CNTN5: variants seen among roughly 807,000 people sequenced by gnomAD.
CNTN5 encodes contactin 5, also known as contactin-5.
CNTN5 carries 77 observed loss-of-function variants against 129.1 expected under a neutral mutation model. The ratio of observed to expected loss-of-function variants is 0.60; its 90% CI spans 0.50 to 0.72. The LOEUF is 0.72. CNTN5 is among the 30% of genes least tolerant of loss of function. The pLI, the probability that CNTN5 is intolerant of heterozygous loss-of-function variation, is 0.00. For synonymous variants in CNTN5, 509 were observed against 465.6 expected, an observed-to-expected ratio of 1.09 and a Z score of -1.20; for missense variants, 1,478 against 1,328.8, an observed-to-expected ratio of 1.11 and a Z score of -1.75.
At position 100,356,880 on chromosome 11, in the gene CNTN5, G is replaced by C. The variant is rs548076991; in HGVS notation, c.*660G>C. On this transcript the variant is annotated 3_prime_UTR_variant, in exon 25 of 25. Coordinates refer to ENST00000524871, the MANE Select transcript of CNTN5 (RefSeq NM_014361.4). ...AAGCCATTTACATTAGTGCAAGATA[G>C]AAAGCGAGTCCAGATGAATTTCAGT... The C allele has an allele frequency of 6.6e-6, 1 of 151,768 alleles. No individual in the cohort carries two copies. The highest frequency in any genetic ancestry group is 1.5e-5 in the Non-Finnish European group (1 of 67,812). The allele number at this position is 151,768 out of a possible 1,614,324, so 9.4% of individuals were successfully genotyped here. A position where few individuals can be genotyped will look rare whatever the true frequency, so the allele number is the denominator to read the frequency against.
chr11:99,642,756 C>T (rs1951817125), intron 3 of CNTN5, among the ~76,000 whole-genome samples: 1 of 152,166 alleles, frequency 6.6e-6, no homozygotes, highest in Non-Finnish European at 1.5e-5. Flanking sequence ...CCTCTTCTCC[C>T]CTCTACCCTC....
At chr11:99,479,702 G>A (rs1328521716) in intron 2 of CNTN5, among the ~76,000 whole-genome samples, 1 of 151,778 alleles carries the variant, frequency 6.6e-6, no homozygotes, top group Non-Finnish European at 1.5e-5. Context: ...AACAGGCTCC[G>A]GTTCTCTAAA....
At chr11:99,347,222 T>C (rs1937954026) in intron 2 of CNTN5, among the ~76,000 whole-genome samples, 1 of 152,196 alleles carries the variant, frequency 6.6e-6, no homozygotes, top group South Asian at 2.1e-4. Context: ...GCTACTGAAA[T>C]AGTCCTGTCA....
At chr11:99,163,747 A>C (rs1315569242) in intron 1 of CNTN5, among the ~76,000 whole-genome samples, 1 of 152,206 alleles carries the variant, frequency 6.6e-6, no homozygotes, top group Admixed American at 6.5e-5. Flanking sequence ...CTATACATTA[A>C]AACTGTGTAC....
chr11:99,873,476 A>G (rs1948555373), intron 6 of CNTN5, among the ~76,000 whole-genome samples: 1 of 152,132 alleles, frequency 6.6e-6, no homozygotes, highest in Non-Finnish European at 1.5e-5. Flanking sequence ...CAATATCACT[A>G]AGCATCAAAG....
intron 13 of CNTN5, among the ~76,000 whole-genome samples, chr11:100,085,346 A>C (rs1313904787): frequency 6.6e-6 from 1 of 152,194 alleles, no homozygotes; most frequent in Admixed American, 6.6e-5. Context: ...TAAAGTAATC[A>C]GCACAACAAA....
Position 100,299,252 on chromosome 11 carries a change from G to T in CNTN5, c.2476G>T (p.Val826Leu). The stretch of plus-strand genomic sequence containing the variant: ...AACACGTGGCTGGAAGGAAAAAATG[G>T]TGACATCCTCTGAAGCTTCCAAATT... ...NGTRGWKEKM[V>L]TSSEASKFIY... The change falls in exon 20 of 25, where the codon GTG becomes TTG. Residue 826 changes from valine to leucine, a missense_variant. Val to Leu is a conservative substitution (Grantham distance 32). Transcript: ENST00000524871. The T allele has an allele frequency of 6.2e-7, 1 of 1,610,520 alleles. No individual in the cohort carries two copies.
chr11:100,020,151 T>C (rs1203977013), intron 9 of CNTN5, among the ~76,000 whole-genome samples: 2 of 152,096 alleles, frequency 1.3e-5, no homozygotes, highest in African/African-American at 4.8e-5. Flanking sequence ...TTTGATCTCA[T>C]TTGTTCATAT....
intron 2 of CNTN5, among the ~76,000 whole-genome samples, chr11:99,498,653 G>A (rs112498355): frequency 0.045 from 6,775 of 152,176 alleles, 184 homozygotes; most frequent in South Asian, 0.084. Flanking sequence ...GCTCTGATCT[G>A]TGGAAGCCAA....
At chr11:99,536,378 T>G (rs1947900129) in intron 2 of CNTN5, among the ~76,000 whole-genome samples, 1 of 152,114 alleles carries the variant, frequency 6.6e-6, no homozygotes, top group Non-Finnish European at 1.5e-5. Context: ...GGTAAAAATA[T>G]GGGACCTTGT....
intron 9 of CNTN5, among the ~76,000 whole-genome samples, chr11:100,026,695 T>G (rs1191350445): frequency 6.6e-6 from 1 of 152,222 alleles, no homozygotes; most frequent in African/African-American, 2.4e-5. Context: ...CTGAGGTCTC[T>G]TTAAGGTTTT....
chr11:99,309,323 T>A (rs2135964742), intron 1 of CNTN5, among the ~76,000 whole-genome samples: 1 of 152,276 alleles, frequency 6.6e-6, no homozygotes, highest in Non-Finnish European at 1.5e-5. Context: ...CACTTTGTTC[T>A]GGTAGGCACC....
Position 99,396,900 on chromosome 11 carries a change from A to G in CNTN5, c.-71+71416A>G, listed in dbSNP as rs147440304. Among the ~76,000 whole-genome samples the G allele has an allele frequency of 5.7e-4, 86 of 151,894 alleles. 2 individuals carry two copies. The East Asian group carries it at 0.014, about 25-fold the overall frequency. On this transcript the variant is annotated intron_variant, in intron 2 of 24. Transcript: ENST00000524871. ...ATCTAGTGCATACGACATTCAACACATTTGGTATGCCTTTAATATGCATTA... is the reference window on the plus strand; with the variant it reads ...ATCTAGTGCATACGACATTCAACACGTTTGGTATGCCTTTAATATGCATTA...
intron 1 of CNTN5, among the ~76,000 whole-genome samples, chr11:99,201,351 T>TTCCTTCTTTCCTTCCTTCC (rs59358470): frequency 2.3e-5 from 2 of 88,154 alleles, no homozygotes; most frequent in African/African-American, 1.0e-4. Flanking sequence ...CTTCCTTTCC[T>TTCCTTCTTTCCTTCCTTCC]TTCCTTCCTT....
chr11:99,295,129 G>A (rs1864329644), intron 1 of CNTN5, among the ~76,000 whole-genome samples: 1 of 152,116 alleles, frequency 6.6e-6, no homozygotes, highest in Non-Finnish European at 1.5e-5. Flanking sequence ...AGAATACAGT[G>A]CACCAGGGAA....
At chr11:100,102,621 A>C (rs1945269779) in intron 13 of CNTN5, among the ~76,000 whole-genome samples, 1 of 152,152 alleles carries the variant, frequency 6.6e-6, no homozygotes, top group Non-Finnish European at 1.5e-5. Flanking sequence ...AACTGATAAA[A>C]GAATAATTTA....
At chr11:99,508,577 C>A (rs1011241412) in intron 2 of CNTN5, among the ~76,000 whole-genome samples, 29 of 152,266 alleles carry the variant, frequency 1.9e-4, no homozygotes, top group African/African-American at 7.0e-4. Flanking sequence ...ATAATGAGAG[C>A]AAACTGCAAT....
chr11:99,705,761 G>A (rs1265064092), intron 3 of CNTN5, among the ~76,000 whole-genome samples: 3 of 151,382 alleles, frequency 2.0e-5, no homozygotes, highest in East Asian at 3.9e-4. Context: ...GGGGCGATGG[G>A]TTTGAAAAAC....
chr11:99,720,992 CA>C (rs1308471404), intron 3 of CNTN5, among the ~76,000 whole-genome samples: 1 of 151,750 alleles, frequency 6.6e-6, no homozygotes, highest in African/African-American at 2.4e-5. Context: ...TCAAAGAAGA[CA>C]AAAACAAATG....
Sources: gnomAD v4.1 joint callset for allele counts (sites outside exome capture counted in the v4.1 genomes callset) on GRCh38, gnomAD v4.1.1 for gene constraint, MANE v1.5 for transcripts, NCBI Gene and HGNC (gene_info 2026-07-23, HGNC 2026-07-21) for gene names.